The following SLC4A10 variants were observed in gnomAD, a reference collection of about 807,000 sequenced individuals.
SLC4A10 encodes solute carrier family 4 member 10.
A neutral mutation model predicts 137.7 loss-of-function variants in SLC4A10; 42 were observed. That is an observed-to-expected ratio of 0.30 (90% CI 0.24 to 0.39). The LOEUF (loss-of-function observed/expected upper bound fraction) is 0.39. Among genes scored for constraint, SLC4A10 ranks in the 10% least tolerant of loss-of-function variants. SLC4A10 has a pLI of 1.00. For synonymous variants in SLC4A10, 474 were observed against 464.1 expected, an observed-to-expected ratio of 1.02 and a Z score of -0.27; for missense variants, 925 against 1,355.0, an observed-to-expected ratio of 0.68 and a Z score of 4.98.
intron 1 of SLC4A10, among the ~76,000 whole-genome samples, chr2:161,695,961 G>A (rs1389625138): frequency 6.6e-6 from 1 of 151,592 alleles, no homozygotes; most frequent in Admixed American, 6.6e-5. Flanking sequence ...TGTGCACAAC[G>A]TGCAGGTTTG....
At chr2:161,727,637 G>A (rs1409244563) in intron 1 of SLC4A10, among the ~76,000 whole-genome samples, 2 of 151,870 alleles carry the variant, frequency 1.3e-5, no homozygotes, top group African/African-American at 4.8e-5. Flanking sequence ...AAGAGTTCTT[G>A]GAAATTGAAA....
At chr2:161,874,122 C>T in intron 8 of SLC4A10, 117 bp downstream of exon 8, 1 of 1,082,144 alleles carries the variant, frequency 9.2e-7, no homozygotes, top group Non-Finnish European at 1.3e-6. Context: ...ACTCTAAGAA[C>T]TATCTTTTTA....
chr2:161,825,660 G>T (rs547623047), intron 3 of SLC4A10, among the ~76,000 whole-genome samples: 1 of 152,256 alleles, frequency 6.6e-6, no homozygotes, highest in East Asian at 1.9e-4. Context: ...CACTCAGATT[G>T]AGTGCTCTGG....
intron 1 of SLC4A10, among the ~76,000 whole-genome samples, chr2:161,698,240 A>G (rs2042749507): frequency 6.6e-6 from 1 of 152,228 alleles, no homozygotes. Flanking sequence ...ATATACAATC[A>G]TGTTATCTGC....
At chr2:161,773,936 A>G (rs899677315) in intron 2 of SLC4A10, among the ~76,000 whole-genome samples, 4 of 151,452 alleles carry the variant, frequency 2.6e-5, no homozygotes, top group Non-Finnish European at 4.4e-5. Context: ...CTTTCAATCT[A>G]TCTCAGTGGT....
At chr2:161,929,171 G>T (rs1442328441) in intron 15 of SLC4A10, among the ~76,000 whole-genome samples, 1 of 152,122 alleles carries the variant, frequency 6.6e-6, no homozygotes, top group African/African-American at 2.4e-5. Flanking sequence ...TTAATAAACA[G>T]ATTCAGACAA....
chr2:161,849,901 TG>T (rs1252693083), intron 4 of SLC4A10, among the ~76,000 whole-genome samples: 1 of 152,170 alleles, frequency 6.6e-6, no homozygotes, highest in East Asian at 1.9e-4. Flanking sequence ...AGAATGATGC[TG>T]GCCTCATAGA....
intron 1 of SLC4A10, among the ~76,000 whole-genome samples, chr2:161,628,835 C>T (rs2032976709): frequency 6.6e-6 from 1 of 151,824 alleles, no homozygotes; most frequent in African/African-American, 2.4e-5. Flanking sequence ...ATTGAGTTTA[C>T]TTATTTATTA....
chr2:161,938,043 C>T (rs570710949), intron 15 of SLC4A10, among the ~76,000 whole-genome samples: 1 of 152,146 alleles, frequency 6.6e-6, no homozygotes, highest in African/African-American at 2.4e-5. Flanking sequence ...GAGGCTGAAG[C>T]AGGCAGATTG....
intron 1 of SLC4A10, among the ~76,000 whole-genome samples, chr2:161,670,600 A>T (rs993202157): frequency 6.6e-6 from 1 of 152,030 alleles, no homozygotes; most frequent in African/African-American, 2.4e-5. Context: ...GGTATTTATT[A>T]TGGGATATTT....
At chr2:161,879,961 A>G (rs1239672757) in intron 9 of SLC4A10, among the ~76,000 whole-genome samples, 3 of 152,120 alleles carry the variant, frequency 2.0e-5, no homozygotes, top group Non-Finnish European at 4.4e-5. Flanking sequence ...CATTTTTTAG[A>G]ATAAGGCTAT....
chr2:161,691,217 T>C (rs2041960867), intron 1 of SLC4A10, among the ~76,000 whole-genome samples: 1 of 151,598 alleles, frequency 6.6e-6, no homozygotes. Context: ...TTTTGGATTT[T>C]ATTTAGAAAA....
intron 4 of SLC4A10, among the ~76,000 whole-genome samples, chr2:161,850,402 T>A (rs1402238980): frequency 2.0e-5 from 3 of 151,906 alleles, no homozygotes; most frequent in Non-Finnish European, 4.4e-5. Flanking sequence ...AAAAATAAAA[T>A]AAAATAAAAT....
At chr2:161,795,851 T>TA (rs1279106514) in intron 2 of SLC4A10, among the ~76,000 whole-genome samples, 2 of 152,154 alleles carry the variant, frequency 1.3e-5, no homozygotes, top group Admixed American at 1.3e-4. Flanking sequence ...TTCTTTTTTT[T>TA]AACTCTAAAC....
rs903133803 is a variant in SLC4A10 at position 161,984,710 on chromosome 2, A to G, written c.*1558A>G. On this transcript the variant is annotated 3_prime_UTR_variant, in exon 27 of 27. Coordinates refer to ENST00000446997, the MANE Select transcript of SLC4A10 (RefSeq NM_001178015.2). ...CTTTTTATGGAACATGAGCCTAAAA[A>G]TTATAGAAAGAAGAATTTTAAGTTA... 1 of 152,134 alleles carries G rather than the reference A, an allele frequency of 6.6e-6. No individual in the cohort carries two copies. The highest frequency in any genetic ancestry group is 6.5e-5 in the Admixed American group (1 of 15,276). 9.4% of individuals were successfully genotyped at this position (152,134 alleles called of 1,614,324 possible).
chr2:161,970,495 T>C (rs1478644323), intron 23 of SLC4A10, among the ~76,000 whole-genome samples: 3 of 152,248 alleles, frequency 2.0e-5, no homozygotes, highest in Non-Finnish European at 4.4e-5. Context: ...TGTTTTACTC[T>C]TGGGCAAAAT....
At chr2:161,888,325 C>T (rs544829234) in intron 10 of SLC4A10, among the ~76,000 whole-genome samples, 10 of 152,140 alleles carry the variant, frequency 6.6e-5, no homozygotes, top group African/African-American at 1.4e-4. Context: ...TCCAATTCTG[C>T]GAAGACAGTC....
chr2:161,925,645 G>A (rs1378411853), intron 15 of SLC4A10, among the ~76,000 whole-genome samples: 2 of 152,042 alleles, frequency 1.3e-5, no homozygotes, highest in Non-Finnish European at 2.9e-5. Flanking sequence ...TGTGATGTTA[G>A]GGTGTCAATT....
intron 19 of SLC4A10, among the ~76,000 whole-genome samples, chr2:161,953,158 A>G (rs140815326): frequency 6.6e-6 from 1 of 152,346 alleles, no homozygotes; most frequent in East Asian, 1.9e-4. Flanking sequence ...ACTCCACATC[A>G]TGTATCTAAG....
Sources: gnomAD v4.1 joint callset for allele counts (sites outside exome capture counted in the v4.1 genomes callset) on GRCh38, gnomAD v4.1.1 for gene constraint, MANE v1.5 for transcripts, NCBI Gene and HGNC (gene_info 2026-07-23, HGNC 2026-07-21) for gene names.